The following GMIP variants were observed in gnomAD, a reference collection of about 807,000 sequenced individuals.
The protein encoded by GMIP is GEM interacting protein, also known as GEM-interacting protein.
Under a neutral mutation model 105.3 loss-of-function variants are expected in GMIP, and 54 were observed. The ratio of observed to expected loss-of-function variants is 0.51; its 90% confidence interval spans 0.41 to 0.64. The LOEUF is 0.64. Among genes scored for constraint, GMIP ranks in the 30% least tolerant of loss-of-function variants. The pLI is 0.00. For synonymous variants in GMIP, 541 were observed against 560.8 expected (o/e 0.96, Z 0.50); for missense variants, 1,110 against 1,319.4 (o/e 0.84, Z 2.46).
chr19:19,638,986 A>C (rs2061888945), intron 7 of GMIP, among the ~76,000 whole-genome samples: 1 of 151,990 alleles, frequency 6.6e-6, no homozygotes, highest in South Asian at 2.1e-4. Flanking sequence ...AGGCTGAGGC[A>C]GGAGAATCAC....
chr19:19,637,606 G>T lies in GMIP; in HGVS notation c.928-45C>A. On this transcript the variant is annotated intron_variant, in intron 10 of 20. Coordinates refer to ENST00000203556, the MANE Select transcript of GMIP (RefSeq NM_016573.4). The surrounding 1 kb of genome is among the most constrained non-coding windows in gnomAD (Gnocchi z 6.7). ...GGTTGGGGAGGGGCGGAGCCTGGGA[G>T]CCTGGGGGCAGGGCCAGAGCTGGGG... 7.0e-7 allele frequency: 1 copy of T among 1,420,568 alleles called. No homozygotes were observed. Among genetic ancestry groups the T allele is most frequent in the Non-Finnish European group, 9.3e-7 (1 of 1,075,206 alleles). 88.0% of individuals were successfully genotyped at this position (1,420,568 alleles called of 1,614,324 possible). A position where few individuals can be genotyped will look rare whatever the true frequency, so the allele number is the denominator to read the frequency against.
In GMIP at chr19:19,635,292, T is replaced by G; in HGVS notation, c.1561-79A>C. 6.6e-7 allele frequency: 1 copy of G among 1,516,302 alleles called. No homozygotes were observed. Among genetic ancestry groups the G allele is most frequent in the Non-Finnish European group, 9.1e-7 (1 of 1,104,736 alleles). 93.9% of individuals were successfully genotyped at this position (1,516,302 alleles called of 1,614,324 possible). ...GAAGGTTACAAGGATCCTCAAGGAA[T>G]GGGGGCTCATGGGAGACATCAGGTT... On this transcript the variant is annotated intron_variant, in intron 15 of 20. Coordinates refer to ENST00000203556, the MANE Select transcript of GMIP (RefSeq NM_016573.4). The surrounding 1 kb of genome is among the most constrained non-coding windows in gnomAD (Gnocchi z 4.7).
At chr19:19,640,214 A>C in intron 6 of GMIP, 22 bp from the exon 7 acceptor site, 1 of 1,569,376 alleles carries the variant, frequency 6.4e-7, no homozygotes, top group African/African-American at 1.4e-5. Context: ...AGAGTGGTGT[A>C]GGAGGATACT....
Position 19,634,684 on chromosome 19 carries a change from G to A in GMIP, c.1907C>T (p.Pro636Leu). 1 of 1,609,738 alleles carries A rather than the reference G, an allele frequency of 6.2e-7. No homozygotes were observed. The highest frequency in any genetic ancestry group is 8.5e-7 in the Non-Finnish European group (1 of 1,176,754). The part of the protein sequence containing the change: ...FLQELTEPVI[P>L]FHLYDAFISL... ...GATGAAGGCGTCGTAGAGGTGGAAG[G>A]GGATCACGGGCTCGGTGAGCTGGGG... Residue 636 changes from proline to leucine, a missense_variant, in exon 18 of 21, where the codon CCC becomes CTC. By Grantham distance (98) the Pro-to-Leu change is moderately conservative (BLOSUM62 -3). Around this residue, in one of 3 missense-constraint regions of GMIP, gnomAD observed 394 missense variants for 450.5 expected, o/e 0.87. Coordinates refer to ENST00000203556, the MANE Select transcript of GMIP (RefSeq NM_016573.4). This position sits in a 1 kb window ranked among gnomAD's most constrained non-coding sequence, Gnocchi z 6.1.
chr19:19,636,213 AAAAAGAAAGAAAG>A (rs2061852462), intron 13 of GMIP, among the ~76,000 whole-genome samples: 1 of 145,680 alleles, frequency 6.9e-6, no homozygotes, highest in Admixed American at 6.9e-5. Flanking sequence ...CAAAAAAAAA[AAAAAGAAAGAAAG>A]AAAAGAAAAG....
Position 19,638,004 on chromosome 19 carries a change from C to A in GMIP, c.843G>T (p.Arg281=). Residue 281 remains arginine (R), a synonymous_variant, in exon 10 of 21, where the codon CGG becomes CGT. Coordinates refer to ENST00000203556, the MANE Select transcript of GMIP (RefSeq NM_016573.4). ...YQACVREANA[R]QQDLEIAKQR... is the part of the protein sequence containing the mutation. ...GCTTGGCGATCTCCAGGTCCTGCTGCCGCGCGTTGGCCTCGCGGACACAGG... is the reference window on the plus strand; with the variant it reads ...GCTTGGCGATCTCCAGGTCCTGCTGACGCGCGTTGGCCTCGCGGACACAGG... The A allele has an allele frequency of 1.2e-6, 2 of 1,609,760 alleles. No homozygotes were observed. The highest frequency in any genetic ancestry group is 1.3e-5 in the African/African-American group (1 of 74,846).
rs202225255 is a variant in GMIP, at chr19:19,635,432, C to T, written c.1543G>A (p.Gly515Arg). ...GGCCACACCTCCTCACACTCCGTCC[C>T]GCTGACCATGAAGGCTTCGCACTCG... ...CRECEAFMVS[G>R]TECEECFLTC... Residue 515 changes from glycine to arginine, a missense_variant, in exon 15 of 21, where the codon GGG (glycine) becomes AGG (arginine). Physicochemically the swap from Gly to Arg is moderately radical, Grantham distance 125 (BLOSUM62 -2). Around this residue, in one of 3 missense-constraint regions of GMIP, gnomAD observed 667 missense variants for 773.2 expected, o/e 0.86. Coordinates refer to ENST00000203556, the MANE Select transcript of GMIP (RefSeq NM_016573.4). This position sits in a 1 kb window ranked among gnomAD's most constrained non-coding sequence, Gnocchi z 4.7. 5 of 1,609,502 alleles carry T rather than the reference C, an allele frequency of 3.1e-6. No individual in the cohort carries two copies. The South Asian group carries it at 5.5e-5, about 18-fold the overall frequency.
rs779875133 is a variant in GMIP, at chr19:19,629,989, G to T, written c.2887C>A (p.Pro963Thr). 5.0e-6 allele frequency: 8 copies of T among 1,609,118 alleles called. No homozygotes were observed. In the East Asian group the frequency reaches 8.9e-5, roughly 18 times the overall value. Residue 963 changes from proline to threonine, a missense_variant, in exon 21 of 21, where the codon CCT (proline) becomes ACT (threonine). Pro to Thr is a conservative substitution (Grantham distance 38, BLOSUM62 -1). Coordinates refer to ENST00000203556, the MANE Select transcript of GMIP (RefSeq NM_016573.4). ...PRATCCPDVQ[P>T]EEAEDHL ...CAGAGATGGTCCTCGGCTTCCTCAGGCTGGACGTCCGGGCAGCAGGTGGCC... is the reference window on the plus strand; with the variant it reads ...CAGAGATGGTCCTCGGCTTCCTCAGTCTGGACGTCCGGGCAGCAGGTGGCC...
chr19:19,636,265 G>A (rs1195301402), intron 13 of GMIP, among the ~76,000 whole-genome samples: 1 of 151,750 alleles, frequency 6.6e-6, no homozygotes, highest in Non-Finnish European at 1.5e-5. Context: ...GCACACACCT[G>A]TAATCCCTGC....
Position 19,635,779 on chromosome 19 carries a change from A to G in GMIP, c.1328-58T>C. On this transcript the variant is annotated intron_variant, in intron 13 of 20. Coordinates refer to ENST00000203556, the MANE Select transcript of GMIP (RefSeq NM_016573.4). The surrounding 1 kb of genome is among the most constrained non-coding windows in gnomAD (Gnocchi z 4.7). ...GCTATGGGAGGCACTCCTGGTTTTT[A>G]GGGCTTCCAGAACCACCCACTAATT... The G allele has an allele frequency of 7.0e-7, 1 of 1,428,992 alleles. No homozygotes were observed. The highest frequency in any genetic ancestry group is 9.9e-7 in the Non-Finnish European group (1 of 1,013,590). The allele number at this position is 1,428,992 out of a possible 1,614,324, so 88.5% of individuals were successfully genotyped here.
chr19:19,630,111 C>A lies in GMIP; in HGVS notation c.2765G>T (p.Gly922Val), dbSNP rs372009207. The change falls in exon 21 of 21, where the codon GGC becomes GTC. Residue 922 changes from glycine to valine, a missense_variant. Transcript: ENST00000203556. The surrounding 1 kb of genome is among the most constrained non-coding windows in gnomAD (Gnocchi z 4.8). ...CAGCGGGGTGCGGCGCAGGGGGCTG[C>A]CCTCAGGGGAGGCAGCTGCAGGGCT... ...GPSPAAASPE[G>V]SPLRRTPLPK... The A allele has an allele frequency of 1.9e-6, 3 of 1,608,746 alleles. No individual in the cohort carries two copies. Among genetic ancestry groups the A allele is most frequent in the Non-Finnish European group, 2.5e-6 (3 of 1,177,400 alleles).
At chr19:19,636,875 G>A (rs760207660) in intron 12 of GMIP, 42 bp downstream of exon 12, 18 of 1,548,052 alleles carry the variant, frequency 1.2e-5, no homozygotes, top group Admixed American at 1.8e-5. Context: ...TTGGTGGAAC[G>A]AACTCCTGGC....
intron 19 of GMIP, among the ~76,000 whole-genome samples, chr19:19,631,061 C>T (rs888908640): frequency 5.3e-5 from 8 of 152,000 alleles, no homozygotes; most frequent in South Asian, 2.1e-4. Context: ...TTTAGCCGGG[C>T]GTGGTGGTGC....
chr19:19,642,106 G>A (rs972513865), intron 2 of GMIP, 55 bp from the exon 3 acceptor site: 14 of 1,183,218 alleles, frequency 1.2e-5, no homozygotes, highest in Non-Finnish European at 1.7e-5. Flanking sequence ...GTCCTGCCAA[G>A]GGGTGCTGGG....
In GMIP at chr19:19,635,954, A is replaced by G. The variant is rs553409594; in HGVS notation, c.1328-233T>C. Among the ~76,000 whole-genome samples the G allele has an allele frequency of 4.0e-5, 6 of 151,636 alleles. No individual in the cohort carries two copies. The highest frequency in any genetic ancestry group is 3.3e-4 in the Admixed American group (5 of 15,210). On this transcript the variant is annotated intron_variant, in intron 13 of 20. Transcript: ENST00000203556. The surrounding 1 kb of genome is among the most constrained non-coding windows in gnomAD (Gnocchi z 4.7). ...CGCAGTGGCTCACACCTGTAATCCC[A>G]GCACTTTGGGAAGCTGAGGCAGGAG...
Position 19,638,188 on chromosome 19 carries a change from G to A in GMIP, c.760C>T (p.Arg254Trp), listed in dbSNP as rs780354091. ...GCCTGGGCCTCCTCTCGCGAGCGCC[G>A]CCGCCGCTCCTGCTGCTTGCTAGGT... ...PGPSKQQERR[R>W]RSREEAQAKA... The change falls in exon 9 of 21, where the codon CGG (arginine) becomes TGG (tryptophan). Residue 254 changes from arginine to tryptophan, a missense_variant. By Grantham distance (101) the Arg-to-Trp change is moderately radical. Coordinates refer to ENST00000203556, the MANE Select transcript of GMIP (RefSeq NM_016573.4). 1.3e-6 allele frequency: 2 copies of A among 1,588,076 alleles called. No homozygotes were observed. The highest frequency in any genetic ancestry group is 1.7e-6 in the Non-Finnish European group (2 of 1,175,200).
intron 19 of GMIP, among the ~76,000 whole-genome samples, chr19:19,632,314 C>T (rs1445063751): frequency 7.0e-6 from 1 of 143,378 alleles, no homozygotes; most frequent in Admixed American, 6.9e-5. Flanking sequence ...AGGATTCCAA[C>T]TGCGGCCGGG....
At chr19:19,641,285 T>A (rs913705108) in intron 4 of GMIP, among the ~76,000 whole-genome samples, 1 of 151,668 alleles carries the variant, frequency 6.6e-6, no homozygotes, top group African/African-American at 2.4e-5. Flanking sequence ...GGTTTCACCA[T>A]GTTAGCCAGG....
In GMIP at chr19:19,637,957, C is replaced by T. The variant is rs770087207; in HGVS notation, c.890G>A (p.Arg297His). ...IAKQRIVSHV[R>H]KLVFQGDEVL... ...TTCATCCCCCTGAAACACCAGCTTG[C>T]GCACGTGCGACACGATTCGCTGCTT... The change falls in exon 10 of 21, where the codon CGC (arginine) becomes CAC (histidine). Residue 297 changes from arginine to histidine, a missense_variant. By Grantham distance (29) the Arg-to-His change is conservative. Transcript: ENST00000203556. This position sits in a 1 kb window ranked among gnomAD's most constrained non-coding sequence, Gnocchi z 6.7. The T allele has an allele frequency of 1.0e-4, 166 of 1,610,268 alleles. No homozygotes were observed. The highest frequency in any genetic ancestry group is 1.4e-4 in the Non-Finnish European group (165 of 1,179,014).
Sources: gnomAD v4.1 joint callset for allele counts (sites outside exome capture counted in the v4.1 genomes callset) on GRCh38, gnomAD v4.1.1 for gene constraint, gnomAD v4.1.1 regional missense constraint, Gnocchi (gnomAD v3.1) non-coding constraint, MANE v1.5 for transcripts, NCBI Gene and HGNC (gene_info 2026-07-23, HGNC 2026-07-21) for gene names.